The following ADPRM variants were observed in gnomAD, a reference collection of about 807,000 sequenced individuals.
The protein encoded by ADPRM is ADP-ribose/CDP-alcohol diphosphatase, manganese dependent.
In ADPRM, 17 loss-of-function variants were observed where a neutral mutation model predicts 27.2. The observed-to-expected ratio is 0.63, with a 90% confidence interval of 0.43 to 0.94. ADPRM has a LOEUF of 0.94. ADPRM is among the 40% of genes least tolerant of loss of function. ADPRM has a pLI of 0.00. For missense variants in ADPRM, 337 were observed against 412.8 expected (o/e 0.82, Z 1.59); for synonymous variants, 135 against 145.3 (o/e 0.93, Z 0.51).
In ADPRM at chr17:10,705,148, T is replaced by C; in HGVS notation, c.222T>C (p.Asp74=). Residue 74 remains aspartate (D), a synonymous_variant, in exon 2 of 4, where the codon GAT becomes GAC. Transcript: ENST00000379774. The surrounding 1 kb of genome is among the most constrained non-coding windows in gnomAD (Gnocchi z 5.4). The part of the protein sequence containing the change: ...SMPCCVLQLG[D]IIDGYNAQYN... ...CCTGTTGTGTCCTTCAGCTTGGAGA[T>C]ATCATCGATGGATATAATGCACAGT... 2 of 1,614,128 alleles carry C rather than the reference T, an allele frequency of 1.2e-6. No homozygotes were observed. Among genetic ancestry groups the C allele is most frequent in the Non-Finnish European group, 1.7e-6 (2 of 1,180,000 alleles).
At chr17:10,698,441 T>A (rs896355463) in intron 1 of ADPRM, 1 of 151,776 alleles carries the variant, frequency 6.6e-6, no homozygotes, top group African/African-American at 2.4e-5. Context: ...AACCACTCCC[T>A]CCCCGCCCCT....
chr17:10,703,302 C>A (rs2074791256), intron 1 of ADPRM, among the ~76,000 whole-genome samples: 1 of 152,132 alleles, frequency 6.6e-6, no homozygotes. Context: ...TATACACCCT[C>A]ATACATACTG....
intron 3 of ADPRM, among the ~76,000 whole-genome samples, chr17:10,708,534 T>A (rs2074830108): frequency 6.6e-6 from 1 of 151,936 alleles, no homozygotes; most frequent in Non-Finnish European, 1.5e-5. Flanking sequence ...CTTACTAATC[T>A]TCCACTGATG....
rs749898562 is a variant in ADPRM, at chr17:10,705,560, G to C, written c.601+33G>C. The C allele has an allele frequency of 6.3e-7, 1 of 1,595,392 alleles. No homozygotes were observed. The highest frequency in any genetic ancestry group is 1.1e-5 in the South Asian group (1 of 89,702). On this transcript the variant is annotated intron_variant, in intron 2 of 3. Coordinates refer to ENST00000379774, the MANE Select transcript of ADPRM (RefSeq NM_020233.5). This position sits in a 1 kb window ranked among gnomAD's most constrained non-coding sequence, Gnocchi z 5.4. ...ATTCCTTTGAGCTGAGAATCTAATA[G>C]ATTGTCTTTAAATTCTTCAGCTACC... is the stretch of plus-strand genomic sequence containing the variant.
In ADPRM at chr17:10,705,206, A is replaced by G. The variant is rs1392271799; in HGVS notation, c.280A>G (p.Met94Val). ...NASKKSLELV[M>V]DMFKRLKVPV... ...ATCCAAAAAGTCCCTAGAACTTGTT[A>G]TGGACATGTTCAAGAGGCTTAAAGT... The change falls in exon 2 of 4, where the codon ATG (methionine) becomes GTG (valine). Residue 94 changes from methionine (M) to valine (V), a missense_variant. Transcript: ENST00000379774. The surrounding 1 kb of genome is among the most constrained non-coding windows in gnomAD (Gnocchi z 5.4). The G allele has an allele frequency of 4.3e-6, 7 of 1,614,150 alleles. No individual in the cohort carries two copies. Among genetic ancestry groups the G allele is most frequent in the Non-Finnish European group, 5.1e-6 (6 of 1,180,014 alleles).
intron 1 of ADPRM, among the ~76,000 whole-genome samples, chr17:10,700,931 C>T (rs774816499): frequency 1.3e-5 from 2 of 152,122 alleles, no homozygotes; most frequent in African/African-American, 2.4e-5. Flanking sequence ...TTATGAGGCT[C>T]ATTAGACAGA....
At chr17:10,699,807 C>T (rs1356327958) in intron 1 of ADPRM, among the ~76,000 whole-genome samples, 3 of 152,192 alleles carry the variant, frequency 2.0e-5, no homozygotes, top group Non-Finnish European at 4.4e-5. Context: ...GCTAGGATTA[C>T]AGGCTTGCGC....
chr17:10,703,461 G>A (rs1182179139), intron 1 of ADPRM, among the ~76,000 whole-genome samples: 1 of 152,168 alleles, frequency 6.6e-6, no homozygotes, highest in African/African-American at 2.4e-5. Context: ...CCAGATTAAG[G>A]AAGAAAGTAG....
At chr17:10,700,948 G>C (rs924042236) in intron 1 of ADPRM, among the ~76,000 whole-genome samples, 1 of 152,070 alleles carries the variant, frequency 6.6e-6, no homozygotes, top group African/African-American at 2.4e-5. Flanking sequence ...CAGATTTTCA[G>C]ATATATAATT....
intron 1 of ADPRM, among the ~76,000 whole-genome samples, chr17:10,699,479 T>C (rs1168151659): frequency 6.6e-6 from 1 of 151,770 alleles, no homozygotes; most frequent in African/African-American, 2.4e-5. Context: ...AAATGAGGTT[T>C]ATGTTTTGTT....
At chr17:10,710,533 C>T (rs1487281597) in intron 3 of ADPRM, among the ~76,000 whole-genome samples, 1 of 152,186 alleles carries the variant, frequency 6.6e-6, no homozygotes, top group African/African-American at 2.4e-5. Flanking sequence ...CATAGGACAC[C>T]CTTGATCTTC....
At chr17:10,709,685 G>A (rs537537946) in intron 3 of ADPRM, among the ~76,000 whole-genome samples, 14 of 150,342 alleles carry the variant, frequency 9.3e-5, no homozygotes, top group Non-Finnish European at 1.8e-4. Flanking sequence ...GCCTTTGGAC[G>A]CTTAGCCCTA....
chr17:10,706,536 G>T lies in ADPRM; in HGVS notation c.700G>T (p.Glu234Ter). 1 of 1,577,708 alleles carries T rather than the reference G, an allele frequency of 6.3e-7. No individual in the cohort carries two copies. Among genetic ancestry groups the T allele is most frequent in the East Asian group, 2.3e-5 (1 of 42,708 alleles). Residue 234 changes from glutamate (E) to a stop codon, truncating the protein, a stop_gained, in exon 3 of 4, where the codon GAA becomes TAA. Coordinates refer to ENST00000379774, the MANE Select transcript of ADPRM (RefSeq NM_020233.5). LOFTEE classifies it high-confidence loss of function. ...EVLTFSDTNQ[E>*]KVVIVSHLPI... is the part of the protein sequence containing the mutation. ...GCTAACATTCTCTGACACAAACCAA[G>T]AAAAGGTGGTGATTGTGAGTAAGTA...
rs57337863 is a variant in ADPRM at position 10,708,450 on chromosome 17, A to AAAAAAAAAAAAAAAAC, written c.718+1896_718+1897insAAAAAAAAAAAAAAAC. On this transcript the variant is annotated intron_variant, in intron 3 of 3. Transcript: ENST00000379774. ...GTCTCAAAAAAAAAAAAAAAAAAAA[A>AAAAAAAAAAAAAAAAC]CCTTTGAAAATGATAGGCTATTCAG... Among the ~76,000 whole-genome samples the AAAAAAAAAAAAAAAAC allele has an allele frequency of 2.5e-5, 3 of 118,938 alleles. 1 individual carries two copies. The highest frequency in any genetic ancestry group is 1.0e-4 in the African/African-American group (3 of 28,628). 78.0% of individuals were successfully genotyped at this position (118,938 alleles called of 152,430 possible). A position where few individuals can be genotyped will look rare whatever the true frequency, so the allele number is the denominator to read the frequency against.
At position 10,705,514 on chromosome 17, in the gene ADPRM, G is replaced by T; in HGVS notation, c.588G>T (p.Leu196=). 1 of 1,612,972 alleles carries T rather than the reference G, an allele frequency of 6.2e-7. No homozygotes were observed. The change falls in exon 2 of 4, where the codon CTG becomes CTT. Residue 196 remains leucine (L), a synonymous_variant. Coordinates refer to ENST00000379774, the MANE Select transcript of ADPRM (RefSeq NM_020233.5). The surrounding 1 kb of genome is among the most constrained non-coding windows in gnomAD (Gnocchi z 5.4). ...GGGAGCACAATCCAAATACGGAACTGAATAGTCCTCAAGGTGAATTATTCC... is the reference window on the plus strand; with the variant it reads ...GGGAGCACAATCCAAATACGGAACTTAATAGTCCTCAAGGTGAATTATTCC... ...ILREHNPNTE[L]NSPQGLSEPQ...
In ADPRM at chr17:10,705,018, T is replaced by TAGA; in HGVS notation, c.96_98dup (p.Glu32dup). ...ATCGCAGATGTTCAATTTGCAGACT[T>TAGA]AGAAGATGGCTTTAATTTCCAAGGA... On this transcript the variant is annotated inframe_insertion, in exon 2 of 4. Transcript: ENST00000379774. This position sits in a 1 kb window ranked among gnomAD's most constrained non-coding sequence, Gnocchi z 5.4. 1 of 1,614,194 alleles carries TAGA rather than the reference T, an allele frequency of 6.2e-7. No homozygotes were observed. The highest frequency in any genetic ancestry group is 8.5e-7 in the Non-Finnish European group (1 of 1,180,034).
intron 1 of ADPRM, among the ~76,000 whole-genome samples, chr17:10,699,915 G>A (rs1306794218): frequency 1.3e-5 from 2 of 152,160 alleles, no homozygotes; most frequent in African/African-American, 2.4e-5. Flanking sequence ...ATCAGATTTT[G>A]TTCTTGACAT....
chr17:10,711,188 C>T lies in ADPRM; in HGVS notation c.*44C>T. 1 of 1,453,914 alleles carries T rather than the reference C, an allele frequency of 6.9e-7. No individual in the cohort carries two copies. Among genetic ancestry groups the T allele is most frequent in the South Asian group, 1.3e-5 (1 of 75,840 alleles). The allele number at this position is 1,453,914 out of a possible 1,614,324, so 90.1% of individuals were successfully genotyped here. A position where few individuals can be genotyped will look rare whatever the true frequency, so the allele number is the denominator to read the frequency against. ...GATAGAAAATGAGCTTTGTGTTTGT[C>T]CCTCCTAAACAAAAAAATAAAAATC... On this transcript the variant is annotated 3_prime_UTR_variant, in exon 4 of 4. Coordinates refer to ENST00000379774, the MANE Select transcript of ADPRM (RefSeq NM_020233.5).
chr17:10,709,042 T>C (rs1031102003), intron 3 of ADPRM, among the ~76,000 whole-genome samples: 5 of 152,238 alleles, frequency 3.3e-5, no homozygotes, highest in Non-Finnish European at 7.3e-5. Context: ...ATTGAAGTTT[T>C]CTTTAGTAAA....
Sources: allele counts gnomAD v4.1 joint callset (sites outside exome capture counted in the v4.1 genomes callset), GRCh38; gene constraint gnomAD v4.1.1; non-coding constraint Gnocchi (gnomAD v3.1); transcripts MANE v1.5; gene names NCBI Gene and HGNC (gene_info 2026-07-23, HGNC 2026-07-21).